Variants in DAB1 observed in about 807,000 individuals in gnomAD.
The protein encoded by DAB1 is disabled homolog 1.
DAB1 carries 15 observed loss-of-function variants against 64.6 expected under a neutral mutation model. The observed-to-expected ratio is 0.23, with a 90% CI of 0.16 to 0.36. The LOEUF is 0.36. Ranked by LOEUF, DAB1 falls within the 10% of genes least tolerant of loss-of-function variation. DAB1 has a pLI of 1.00. For synonymous variants in DAB1, 235 were observed against 251.9 expected (o/e 0.93, Z 0.64); for missense variants, 596 against 706.7 (o/e 0.84, Z 1.78).
intron 1 of DAB1, among the ~76,000 whole-genome samples, chr1:57,374,502 C>G (rs1048290123): frequency 5.9e-5 from 9 of 152,140 alleles, no homozygotes; most frequent in African/African-American, 2.2e-4. Flanking sequence ...GACACTTATT[C>G]CAGAGTAAAT....
At chr1:58,520,031 G>T (rs7355165) in intron 2 of DAB1, among the ~76,000 whole-genome samples, 44,758 of 151,936 alleles carry the variant, frequency 0.29, 7,191 homozygotes, top group African/African-American at 0.41. Context: ...CACTCATAAG[G>T]GGGAGCTAAA....
At chr1:57,474,296 T>C (rs1309773515) in intron 7 of DAB1, among the ~76,000 whole-genome samples, 4 of 152,232 alleles carry the variant, frequency 2.6e-5, no homozygotes, top group Non-Finnish European at 5.9e-5. Context: ...TTATGACTCA[T>C]GGAATACTTT....
downstream of DAB1, among the ~76,000 whole-genome samples, chr1:57,821,971 A>C (rs1290633648): frequency 6.6e-6 from 1 of 152,198 alleles, no homozygotes; most frequent in African/African-American, 2.4e-5. Context: ...AACTACTTGG[A>C]GGTGAAGAGG....
intron 7 of DAB1, among the ~76,000 whole-genome samples, chr1:57,482,599 T>C (rs1051405060): frequency 2.6e-5 from 4 of 151,610 alleles, no homozygotes; most frequent in South Asian, 2.1e-4. Flanking sequence ...TCACTCAGCA[T>C]AGAAAAATTG....
intron 4 of DAB1, among the ~76,000 whole-genome samples, chr1:57,126,023 C>G (rs866446624): frequency 2.8e-4 from 43 of 152,086 alleles, no homozygotes; most frequent in African/African-American, 1.0e-3. Context: ...AATCATGGAC[C>G]CTGCCCTCAA....
chr1:58,171,953 C>T lies in DAB1; in HGVS notation n.310-21365G>A, dbSNP rs181828362. ...AGGGACCAGGGCCCTCAGCAAGGAACGAGTACAGCCTGTTCTGGCTTATCC... is the reference window on the plus strand; with the variant it reads ...AGGGACCAGGGCCCTCAGCAAGGAATGAGTACAGCCTGTTCTGGCTTATCC... On this transcript the variant is annotated intron_variant and non_coding_transcript_variant, in intron 4 of 20. Transcript: ENST00000485760. Among the ~76,000 whole-genome samples, 616 of 152,324 alleles carry T rather than the reference C, an allele frequency of 4.0e-3. 4 individuals are homozygous for T. The highest frequency in any genetic ancestry group is 0.014 in the African/African-American group (598 of 41,584).
At chr1:57,934,475 A>T (rs944686600) in intron 5 of DAB1, among the ~76,000 whole-genome samples, 3 of 152,180 alleles carry the variant, frequency 2.0e-5, no homozygotes, top group African/African-American at 4.8e-5. Context: ...CATTGCTGTT[A>T]TAGTATGCTT....
At chr1:57,405,091 A>C (rs974135564) in intron 1 of DAB1, among the ~76,000 whole-genome samples, 1 of 152,212 alleles carries the variant, frequency 6.6e-6, no homozygotes, top group Non-Finnish European at 1.5e-5. Flanking sequence ...CAGACCCTAA[A>C]ACTACGCATT....
At chr1:57,202,961 G>C (rs79722282) in intron 2 of DAB1, among the ~76,000 whole-genome samples, 3,200 of 152,224 alleles carry the variant, frequency 0.021, 50 homozygotes, top group Middle Eastern at 0.048. Flanking sequence ...GTACAACAAA[G>C]GAAGACAGTC....
intron 4 of DAB1, among the ~76,000 whole-genome samples, chr1:58,210,893 G>A (rs1394638471): frequency 6.6e-6 from 1 of 152,116 alleles, no homozygotes; most frequent in Non-Finnish European, 1.5e-5. Flanking sequence ...GGAATCTGGG[G>A]GCTTAGACAC....
chr1:57,658,799 G>A (rs551568247), intron 6 of DAB1, among the ~76,000 whole-genome samples: 2 of 152,148 alleles, frequency 1.3e-5, no homozygotes, highest in South Asian at 4.2e-4. Context: ...CCAACTCCTG[G>A]CCCCAAGCAG....
intron 9 of DAB1, among the ~76,000 whole-genome samples, chr1:57,049,801 C>A (rs1451274655): frequency 6.6e-6 from 1 of 152,164 alleles, no homozygotes; most frequent in East Asian, 1.9e-4. Flanking sequence ...TGCCTGGGCT[C>A]CTTTGCCAAC....
intron 3 of DAB1, among the ~76,000 whole-genome samples, chr1:58,445,980 C>G (rs1443634436): frequency 2.6e-5 from 4 of 152,112 alleles, no homozygotes; most frequent in Non-Finnish European, 5.9e-5. Flanking sequence ...GGTAAGCAAC[C>G]ATTCTGATTT....
At chr1:58,094,952 A>C (rs992898239) in intron 5 of DAB1, among the ~76,000 whole-genome samples, 5 of 152,234 alleles carry the variant, frequency 3.3e-5, no homozygotes, top group African/African-American at 7.2e-5. Flanking sequence ...TAAGGTTGGC[A>C]AACTTTTTCT....
chr1:57,069,118 T>C (rs1373195988), intron 8 of DAB1, among the ~76,000 whole-genome samples: 1 of 152,226 alleles, frequency 6.6e-6, no homozygotes, highest in East Asian at 1.9e-4. Context: ...TTTATTTTTG[T>C]TTCTACTTAA....
At chr1:57,890,202 A>G (rs1168171886) in intron 5 of DAB1, among the ~76,000 whole-genome samples, 1 of 152,150 alleles carries the variant, frequency 6.6e-6, no homozygotes, top group African/African-American at 2.4e-5. Flanking sequence ...TGTGGAAACG[A>G]GAGTTTGGAC....
rs149798329 is a variant in DAB1 at position 58,165,962 on chromosome 1, C to G, written n.310-15374G>C. Among the ~76,000 whole-genome samples the G allele has an allele frequency of 4.1e-4, 63 of 152,160 alleles. 1 individual carries two copies. Among genetic ancestry groups the G allele is most frequent in the African/African-American group, 1.5e-3 (62 of 41,518 alleles). ...TTCAGTTCACCATGAAGAGCCTGAG[C>G]CTTAGAGAGACTAAGTAATGTTTTT... On this transcript the variant is annotated intron_variant and non_coding_transcript_variant, in intron 4 of 20. Coordinates refer to the DAB1 transcript ENST00000485760.
chr1:57,129,771 T>C (rs1657486283), intron 4 of DAB1, among the ~76,000 whole-genome samples: 1 of 152,134 alleles, frequency 6.6e-6, no homozygotes, highest in African/African-American at 2.4e-5. Flanking sequence ...TAGATAATTC[T>C]GAATCGTGGA....
intron 7 of DAB1, among the ~76,000 whole-genome samples, chr1:57,489,011 A>G (rs1041462954): frequency 1.3e-5 from 2 of 152,232 alleles, no homozygotes; most frequent in African/African-American, 4.8e-5. Context: ...ACATCGATGG[A>G]AGACCCACAT....
Sources: allele counts gnomAD v4.1 joint callset (sites outside exome capture counted in the v4.1 genomes callset), GRCh38; gene constraint gnomAD v4.1.1; transcripts MANE v1.5; gene names NCBI Gene and HGNC (gene_info 2026-07-23, HGNC 2026-07-21).